Variants in OSBPL10 observed in about 807,000 individuals in gnomAD.
OSBPL10 encodes the protein oxysterol binding protein like 10.
A neutral mutation model predicts 81.7 loss-of-function variants in OSBPL10; 49 were observed. That is an observed-to-expected ratio of 0.60 (90% CI 0.48 to 0.76). The LOEUF (loss-of-function observed/expected upper bound fraction) is 0.76, where lower values mean the gene tolerates loss of function less well. OSBPL10 is among the 30% of genes least tolerant of loss of function. OSBPL10 has a pLI of 0.00. For missense variants in OSBPL10, 923 were observed against 987.8 expected, an observed-to-expected ratio of 0.93 and a Z score of 0.88; for synonymous variants, 419 against 383.6, an observed-to-expected ratio of 1.09 and a Z score of -1.08.
chr3:32,001,335 T>C (rs188134758), intron 2 of OSBPL10, among the ~76,000 whole-genome samples: 2 of 152,318 alleles, frequency 1.3e-5, no homozygotes, highest in East Asian at 3.9e-4. Flanking sequence ...TGCTGATCTG[T>C]TGGTGTATTC....
intron 3 of OSBPL10, among the ~76,000 whole-genome samples, chr3:31,850,857 G>A (rs1700747928): frequency 6.6e-6 from 1 of 152,166 alleles, no homozygotes; most frequent in East Asian, 1.9e-4. Flanking sequence ...GTACAAAAAA[G>A]AAGGAAACAG....
chr3:31,694,594 C>G (rs1480369562), intron 7 of OSBPL10, among the ~76,000 whole-genome samples: 1 of 151,838 alleles, frequency 6.6e-6, no homozygotes, highest in Non-Finnish European at 1.5e-5. Flanking sequence ...TCATTTTTAC[C>G]CTGTATACAC....
chr3:31,719,447 C>T (rs75073169), intron 6 of OSBPL10, among the ~76,000 whole-genome samples: 14,008 of 151,894 alleles, frequency 0.092, 1,590 homozygotes, highest in African/African-American at 0.27. Context: ...GAAATACAAA[C>T]GGCTAATAAA....
chr3:31,915,513 A>C (rs1696728086), intron 1 of OSBPL10, among the ~76,000 whole-genome samples: 1 of 152,186 alleles, frequency 6.6e-6, no homozygotes, highest in South Asian at 2.1e-4. Context: ...AGGAACAGAA[A>C]ACCAAATGCC....
chr3:31,817,427 G>C (rs1197913425), intron 4 of OSBPL10, among the ~76,000 whole-genome samples: 1 of 152,164 alleles, frequency 6.6e-6, no homozygotes, highest in Non-Finnish European at 1.5e-5. Flanking sequence ...CAAGGATGCA[G>C]GCTGCACCAG....
At chr3:31,688,920 T>A (rs1323065943) in intron 7 of OSBPL10, among the ~76,000 whole-genome samples, 1 of 152,158 alleles carries the variant, frequency 6.6e-6, no homozygotes, top group African/African-American at 2.4e-5. Context: ...CTAAGACACC[T>A]TTGGGGCCAA....
chr3:31,999,902 C>G (rs569192829), intron 2 of OSBPL10, among the ~76,000 whole-genome samples: 1 of 152,132 alleles, frequency 6.6e-6, no homozygotes, highest in Non-Finnish European at 1.5e-5. Flanking sequence ...AAAGGTCATT[C>G]GATTCCCTTG....
At chr3:31,766,316 A>C (rs1698190708) in intron 4 of OSBPL10, among the ~76,000 whole-genome samples, 1 of 139,730 alleles carries the variant, frequency 7.2e-6, no homozygotes. Context: ...GTTTGGCCCA[A>C]TGTAGTTTTT....
chr3:31,829,879 T>G (rs897177978), intron 4 of OSBPL10, among the ~76,000 whole-genome samples, 161 bp downstream of exon 4: 2 of 152,204 alleles, frequency 1.3e-5, no homozygotes, highest in African/African-American at 4.8e-5. Flanking sequence ...ATTAACTTTT[T>G]TTAAACCAGG....
chr3:31,830,212 C>A lies in OSBPL10; in HGVS notation c.557G>T (p.Ser186Ile). Residue 186 changes from serine to isoleucine, a missense_variant, in exon 4 of 12, where the codon AGC becomes ATC. Transcript: ENST00000396556. ...ATGTGGGAGCAAAGTGAGACTTCGG[C>A]TTCGGGAGCTTGGAGCACTCTAGAA... is the stretch of plus-strand genomic sequence containing the variant. ...MNSKSAPSSR[S>I]RSLTLLPHGT... 1 of 1,613,744 alleles carries A rather than the reference C, an allele frequency of 6.2e-7. No individual in the cohort carries two copies. Among genetic ancestry groups the A allele is most frequent in the Non-Finnish European group, 8.5e-7 (1 of 1,179,834 alleles).
intron 6 of OSBPL10, among the ~76,000 whole-genome samples, chr3:31,717,611 C>A (rs2125630441): frequency 6.6e-6 from 1 of 152,284 alleles, no homozygotes; most frequent in South Asian, 2.1e-4. Context: ...CCACTCAATA[C>A]CTTTTGGTCC....
At chr3:31,729,492 G>A (rs537281326) in intron 6 of OSBPL10, among the ~76,000 whole-genome samples, 1 of 152,292 alleles carries the variant, frequency 6.6e-6, no homozygotes, top group South Asian at 2.1e-4. Context: ...CACAATCTCG[G>A]CTCACTGCAA....
At chr3:31,739,501 A>G (rs1697277110) in intron 5 of OSBPL10, among the ~76,000 whole-genome samples, 1 of 152,234 alleles carries the variant, frequency 6.6e-6, no homozygotes, top group African/African-American at 2.4e-5. Flanking sequence ...ATAAAGTTAA[A>G]TGACATAAAA....
At chr3:31,942,141 G>A (rs1559526487) in intron 1 of OSBPL10, among the ~76,000 whole-genome samples, 1 of 152,054 alleles carries the variant, frequency 6.6e-6, no homozygotes, top group Non-Finnish European at 1.5e-5. Context: ...TGGGCGTGAC[G>A]GCAGGCACCT....
chr3:31,858,148 A>C (rs1169418570), intron 3 of OSBPL10, among the ~76,000 whole-genome samples: 2 of 151,528 alleles, frequency 1.3e-5, no homozygotes, highest in Non-Finnish European at 2.9e-5. Context: ...CTACAGGAGC[A>C]CGCCACCACA....
At chr3:31,920,091 G>C (rs1696867534) in intron 1 of OSBPL10, among the ~76,000 whole-genome samples, 1 of 152,186 alleles carries the variant, frequency 6.6e-6, no homozygotes, top group African/African-American at 2.4e-5. Context: ...TTAAAATGCA[G>C]AAGATGGAAA....
chr3:32,044,464 G>A (rs976122831), intron 2 of OSBPL10, among the ~76,000 whole-genome samples: 3 of 149,990 alleles, frequency 2.0e-5, no homozygotes, highest in Admixed American at 6.6e-5. Flanking sequence ...AATCCTGGTC[G>A]GGTGCTGTGG....
At chr3:31,978,676 C>T (rs559151668) in intron 1 of OSBPL10, among the ~76,000 whole-genome samples, 4 of 152,138 alleles carry the variant, frequency 2.6e-5, no homozygotes, top group Non-Finnish European at 5.9e-5. Flanking sequence ...ACTTGGAAAA[C>T]GGTGAGTCTA....
intron 4 of OSBPL10, among the ~76,000 whole-genome samples, chr3:31,805,789 G>A (rs1013968583): frequency 1.3e-5 from 2 of 152,148 alleles, no homozygotes; most frequent in African/African-American, 4.8e-5. Flanking sequence ...GCTCAGGCAG[G>A]CCTCACAAGA....
Sources: allele counts gnomAD v4.1 joint callset (sites outside exome capture counted in the v4.1 genomes callset), GRCh38; gene constraint gnomAD v4.1.1; transcripts MANE v1.5; gene names NCBI Gene and HGNC (gene_info 2026-07-23, HGNC 2026-07-21).